THSD7A: variants seen among roughly 807,000 people sequenced by gnomAD.
THSD7A encodes the protein thrombospondin type 1 domain containing 7A.
In THSD7A, 96 loss-of-function variants were observed where a neutral mutation model predicts 231.3. The observed-to-expected ratio is 0.41, with a 90% CI of 0.35 to 0.49. The LOEUF is 0.49. THSD7A is among the 20% of genes least tolerant of loss of function. The pLI is 0.05. For missense variants in THSD7A, 2,290 were observed against 2,070.2 expected, an observed-to-expected ratio of 1.11 and a Z score of -2.06; for synonymous variants, 940 against 743.3, an observed-to-expected ratio of 1.26 and a Z score of -4.30.
intron 16 of THSD7A, among the ~76,000 whole-genome samples, chr7:11,419,751 T>C (rs984652043): frequency 6.6e-6 from 1 of 152,162 alleles, no homozygotes; most frequent in South Asian, 2.1e-4. Flanking sequence ...GTTGAATAGT[T>C]GTGACAAAAA....
Position 11,699,881 on chromosome 7 carries a change from A to G in THSD7A, c.191-62920T>C, listed in dbSNP as rs372905478. Reference sequence around the variant, plus strand: ...ATGGAAATGTCAGGGCAAGGAACTGAAAGTGTACACATAGATGGTTTCTCT... The same window carrying G: ...ATGGAAATGTCAGGGCAAGGAACTGGAAGTGTACACATAGATGGTTTCTCT... On this transcript the variant is annotated intron_variant, in intron 1 of 27. Transcript: ENST00000423059. Among the ~76,000 whole-genome samples the G allele has an allele frequency of 6.6e-5, 10 of 151,404 alleles. No individual in the cohort carries two copies. The East Asian group carries it at 1.4e-3, about 21-fold the overall frequency.
chr7:11,828,956 G>A (rs1377238088), intron 1 of THSD7A, among the ~76,000 whole-genome samples: 5 of 152,004 alleles, frequency 3.3e-5, no homozygotes, highest in African/African-American at 7.2e-5. Context: ...ATGTGAAGAC[G>A]ATGAAGATAA....
chr7:11,517,179 T>A (rs1280904273), intron 6 of THSD7A, among the ~76,000 whole-genome samples: 2 of 152,050 alleles, frequency 1.3e-5, no homozygotes, highest in East Asian at 1.9e-4. Context: ...CCCGGGTTCA[T>A]GCCATTCTCC....
At chr7:11,559,664 T>TA (rs1007938195) in intron 4 of THSD7A, among the ~76,000 whole-genome samples, 2 of 151,638 alleles carry the variant, frequency 1.3e-5, no homozygotes, top group Non-Finnish European at 2.9e-5. Context: ...AGAAAGAGAA[T>TA]AAAAAAAGAT....
intron 1 of THSD7A, among the ~76,000 whole-genome samples, chr7:11,767,993 C>T (rs760388703): frequency 3.9e-5 from 6 of 152,090 alleles, no homozygotes; most frequent in Admixed American, 2.6e-4. Context: ...AATATATTAG[C>T]TATTCTTTAA....
intron 4 of THSD7A, among the ~76,000 whole-genome samples, chr7:11,563,298 T>C (rs1755462205): frequency 6.6e-6 from 1 of 152,202 alleles, no homozygotes; most frequent in African/African-American, 2.4e-5. Context: ...TCTTTTGGTA[T>C]TTAATGCGCT....
chr7:11,731,719 TGATGGAG>T (rs1361308104), intron 1 of THSD7A, among the ~76,000 whole-genome samples: 3 of 151,652 alleles, frequency 2.0e-5, no homozygotes, highest in Non-Finnish European at 3.0e-5. Context: ...GTAGTTGAAA[TGATGGAG>T]GAAATCAAGG....
intron 16 of THSD7A, among the ~76,000 whole-genome samples, chr7:11,422,108 C>T (rs561808384): frequency 1.3e-5 from 2 of 152,190 alleles, no homozygotes; most frequent in South Asian, 2.1e-4. Flanking sequence ...AGAAGCCCAT[C>T]ACAGGTGTGG....
At chr7:11,811,069 T>G (rs2128184166) in intron 1 of THSD7A, among the ~76,000 whole-genome samples, 1 of 152,304 alleles carries the variant, frequency 6.6e-6, no homozygotes, top group South Asian at 2.1e-4. Flanking sequence ...AGCTGCAGAT[T>G]AAATTATGTG....
At chr7:11,757,625 C>A (rs546486397) in intron 1 of THSD7A, among the ~76,000 whole-genome samples, 2 of 151,874 alleles carry the variant, frequency 1.3e-5, no homozygotes, top group East Asian at 3.9e-4. Flanking sequence ...TAAAACTCCC[C>A]AAAATGAGTA....
intron 1 of THSD7A, among the ~76,000 whole-genome samples, chr7:11,784,312 G>T (rs1783721977): frequency 6.6e-6 from 1 of 151,262 alleles, no homozygotes. Flanking sequence ...ATTTTGGGAT[G>T]CATGTCTTTC....
At chr7:11,582,442 C>G (rs918473290) in intron 4 of THSD7A, among the ~76,000 whole-genome samples, 2 of 151,958 alleles carry the variant, frequency 1.3e-5, no homozygotes, top group Non-Finnish European at 2.9e-5. Flanking sequence ...TATTTTTGTT[C>G]ATCAACTAAA....
chr7:11,820,206 G>A lies in THSD7A; in HGVS notation c.190+11551C>T, dbSNP rs148984956. The A allele has an allele frequency of 4.3e-3, 1,497 of 346,376 alleles. 24 individuals carry two copies. The highest frequency in any genetic ancestry group is 0.029 in the African/African-American group (1,380 of 47,060). The allele number at this position is 346,376 out of a possible 1,614,324, so 21.5% of individuals were successfully genotyped here. A position where few individuals can be genotyped will look rare whatever the true frequency, so the allele number is the denominator to read the frequency against. On this transcript the variant is annotated intron_variant, in intron 1 of 27. Transcript: ENST00000423059. ...GTACAATCTGCATGGCTGGTGAGGGGTGGGGGTAGGATTTTTCAGAATCTT... is the reference window on the plus strand; with the variant it reads ...GTACAATCTGCATGGCTGGTGAGGGATGGGGGTAGGATTTTTCAGAATCTT...
At chr7:11,732,708 C>T (rs1781778233) in intron 1 of THSD7A, among the ~76,000 whole-genome samples, 1 of 151,736 alleles carries the variant, frequency 6.6e-6, no homozygotes, top group African/African-American at 2.4e-5. Context: ...ATCTTTACAG[C>T]TTTGAAAGTA....
chr7:11,728,814 G>T (rs1308897314), intron 1 of THSD7A, among the ~76,000 whole-genome samples: 1 of 151,650 alleles, frequency 6.6e-6, no homozygotes, highest in Non-Finnish European at 1.5e-5. Flanking sequence ...ATAGTTTCAG[G>T]CTTCTCAGTG....
At chr7:11,720,020 C>A (rs1781291933) in intron 1 of THSD7A, among the ~76,000 whole-genome samples, 1 of 151,708 alleles carries the variant, frequency 6.6e-6, no homozygotes, top group African/African-American at 2.4e-5. Flanking sequence ...CTTGCTCAGC[C>A]CTCCTTTTGT....
intron 4 of THSD7A, among the ~76,000 whole-genome samples, chr7:11,581,334 A>G (rs1791153378): frequency 6.6e-6 from 1 of 152,086 alleles, no homozygotes; most frequent in Non-Finnish European, 1.5e-5. Context: ...CTGTGTCACA[A>G]GATTATTATC....
intron 23 of THSD7A, among the ~76,000 whole-genome samples, chr7:11,386,632 T>G (rs1188684804): frequency 1.3e-5 from 2 of 152,242 alleles, no homozygotes; most frequent in Non-Finnish European, 2.9e-5. Context: ...ATGGATAGAT[T>G]GCAAAATTTT....
At chr7:11,514,179 C>A (rs1429385812) in intron 6 of THSD7A, among the ~76,000 whole-genome samples, 1 of 152,066 alleles carries the variant, frequency 6.6e-6, no homozygotes, top group Non-Finnish European at 1.5e-5. Flanking sequence ...ATAATACACT[C>A]CCATCTCTTT....
Sources: allele counts gnomAD v4.1 joint callset (sites outside exome capture counted in the v4.1 genomes callset), GRCh38; gene constraint gnomAD v4.1.1; transcripts MANE v1.5; gene names NCBI Gene and HGNC (gene_info 2026-07-23, HGNC 2026-07-21).